MAGI2: variants seen among roughly 807,000 people sequenced by gnomAD.
MAGI2 encodes membrane associated guanylate kinase, WW and PDZ domain containing 2.
Under a neutral mutation model 133.3 loss-of-function variants are expected in MAGI2, and 35 were observed. The ratio of observed to expected loss-of-function variants is 0.26; its 90% CI spans 0.20 to 0.35. The LOEUF is 0.35. MAGI2 is among the 10% of genes least tolerant of loss of function. The pLI is 1.00. For synonymous variants in MAGI2, 729 were observed against 710.6 expected (o/e 1.03, Z -0.41); for missense variants, 1,636 against 1,863.4 (o/e 0.88, Z 2.25).
At chr7:79,141,452 A>G (rs1822124880) in intron 1 of MAGI2, among the ~76,000 whole-genome samples, 1 of 152,100 alleles carries the variant, frequency 6.6e-6, no homozygotes, top group African/African-American at 2.4e-5. Flanking sequence ...TGTAACATCT[A>G]CTTCAGAGCC....
rs184410753 is a variant in MAGI2 at position 78,795,327 on chromosome 7, T to C, written c.419-168088A>G. On this transcript the variant is annotated intron_variant, in intron 2 of 21. Transcript: ENST00000354212. ...GCAAAATTTTTTATTTAGAAAAAAT[T>C]AAAAACATCACCCAAAGATAAGTTT... is the stretch of plus-strand genomic sequence containing the variant. Among the ~76,000 whole-genome samples, 7 of 151,856 alleles carry C rather than the reference T, an allele frequency of 4.6e-5. No individual in the cohort carries two copies. In the East Asian group the frequency reaches 1.2e-3, roughly 25 times the overall value.
intron 1 of MAGI2, among the ~76,000 whole-genome samples, chr7:79,245,791 C>A (rs555766240): frequency 1.3e-5 from 2 of 152,282 alleles, no homozygotes; most frequent in African/African-American, 4.8e-5. Flanking sequence ...CAAACACAGC[C>A]AGTCAGCAAT....
chr7:78,157,295 A>G (rs1824493345), intron 16 of MAGI2, among the ~76,000 whole-genome samples: 1 of 152,222 alleles, frequency 6.6e-6, no homozygotes, highest in South Asian at 2.1e-4. Flanking sequence ...CATGAACTGT[A>G]GGATATATTT....
At chr7:79,214,309 C>T (rs1030260985) in intron 1 of MAGI2, among the ~76,000 whole-genome samples, 2 of 140,952 alleles carry the variant, frequency 1.4e-5, no homozygotes, top group African/African-American at 5.3e-5. Flanking sequence ...AATAGGTTTA[C>T]TTGGTTGCTA....
intron 6 of MAGI2, chr7:78,486,548 T>G: frequency 4.3e-6 from 1 of 232,032 alleles, no homozygotes; most frequent in Non-Finnish European, 8.9e-6. Flanking sequence ...TGAGGCCACC[T>G]GACATGTTGT....
intron 1 of MAGI2, among the ~76,000 whole-genome samples, chr7:79,184,373 C>G (rs1461740622): frequency 6.6e-6 from 1 of 151,000 alleles, no homozygotes; most frequent in Non-Finnish European, 1.5e-5. Context: ...AGAACTTATT[C>G]ATGTAACCAA....
chr7:78,346,936 C>CTTAA (rs1283456975), intron 7 of MAGI2, among the ~76,000 whole-genome samples: 4 of 152,188 alleles, frequency 2.6e-5, no homozygotes, highest in Non-Finnish European at 5.9e-5. Flanking sequence ...ATACTGAGTA[C>CTTAA]TTAACTCTTG....
Position 79,137,728 on chromosome 7 carries a change from G to A in MAGI2, c.302-130522C>T, listed in dbSNP as rs141077719. Among the ~76,000 whole-genome samples, 1,352 of 152,084 alleles carry A rather than the reference G, an allele frequency of 8.9e-3. 20 individuals carry two copies. The highest frequency in any genetic ancestry group is 0.031 in the African/African-American group (1,287 of 41,462). On this transcript the variant is annotated intron_variant, in intron 1 of 21. Transcript: ENST00000354212. ...TCCACTCACCTCGGCCTCCCAAAGT[G>A]CTGGGATTACGGGCATAAGCCACCA... is the stretch of plus-strand genomic sequence containing the variant.
chr7:78,874,679 A>AT (rs1199376153), intron 2 of MAGI2, among the ~76,000 whole-genome samples: 1 of 152,176 alleles, frequency 6.6e-6, no homozygotes, highest in Non-Finnish European at 1.5e-5. Flanking sequence ...TGGGTATCAA[A>AT]TGATAGTTAG....
At chr7:79,273,193 T>C (rs545105581) in intron 1 of MAGI2, among the ~76,000 whole-genome samples, 10 of 151,590 alleles carry the variant, frequency 6.6e-5, no homozygotes, top group African/African-American at 2.4e-4. Context: ...CTTTTTTCTT[T>C]GTTTTGTTGT....
chr7:78,354,621 A>G (rs760518071), intron 7 of MAGI2, among the ~76,000 whole-genome samples: 4 of 152,216 alleles, frequency 2.6e-5, no homozygotes, highest in Non-Finnish European at 5.9e-5. Flanking sequence ...TTCCAAGACC[A>G]ACATTCAGAG....
chr7:78,931,864 G>T (rs189891020), intron 2 of MAGI2, among the ~76,000 whole-genome samples: 1 of 152,088 alleles, frequency 6.6e-6, no homozygotes, highest in Non-Finnish European at 1.5e-5. Context: ...TTAAGTACAG[G>T]TTGAGCATTC....
chr7:79,298,659 T>C (rs1438082016), intron 1 of MAGI2, among the ~76,000 whole-genome samples: 1 of 152,148 alleles, frequency 6.6e-6, no homozygotes, highest in Non-Finnish European at 1.5e-5. Flanking sequence ...GGCTAAATTG[T>C]GTCCCCCCAA....
chr7:78,977,131 C>A (rs1345710765), intron 2 of MAGI2, among the ~76,000 whole-genome samples: 1 of 151,394 alleles, frequency 6.6e-6, no homozygotes, highest in East Asian at 1.9e-4. Flanking sequence ...GTATAATAGC[C>A]AACAAAATAA....
At chr7:78,995,375 A>G (rs2116385424) in intron 2 of MAGI2, among the ~76,000 whole-genome samples, 1 of 152,284 alleles carries the variant, frequency 6.6e-6, no homozygotes, top group Non-Finnish European at 1.5e-5. Flanking sequence ...TAATATAATT[A>G]TCAATTAACA....
chr7:78,563,544 C>A (rs1014276627), intron 3 of MAGI2, among the ~76,000 whole-genome samples: 3 of 152,184 alleles, frequency 2.0e-5, no homozygotes, highest in Non-Finnish European at 2.9e-5. Flanking sequence ...TGAGCCAGAG[C>A]TGAGGTCCTA....
intron 10 of MAGI2, among the ~76,000 whole-genome samples, chr7:78,248,934 A>C (rs1792084716): frequency 6.6e-6 from 1 of 152,126 alleles, no homozygotes; most frequent in South Asian, 2.1e-4. Flanking sequence ...ATAGGAGAAA[A>C]CCTACAAAAT....
chr7:78,321,246 C>A (rs1787971164), intron 9 of MAGI2, among the ~76,000 whole-genome samples: 1 of 152,172 alleles, frequency 6.6e-6, no homozygotes, highest in Non-Finnish European at 1.5e-5. Flanking sequence ...CATTGACTTT[C>A]TTCACAGAAT....
intron 1 of MAGI2, among the ~76,000 whole-genome samples, chr7:79,420,675 C>CT (rs1459260319): frequency 6.6e-6 from 1 of 151,918 alleles, no homozygotes; most frequent in African/African-American, 2.4e-5. Flanking sequence ...GGAGCTGACA[C>CT]TTTATTTTGC....
Sources: gnomAD v4.1 joint callset for allele counts (sites outside exome capture counted in the v4.1 genomes callset) on GRCh38, gnomAD v4.1.1 for gene constraint, MANE v1.5 for transcripts, NCBI Gene and HGNC (gene_info 2026-07-23, HGNC 2026-07-21) for gene names.